The following AHCY variants were observed in gnomAD, a reference collection of about 807,000 sequenced individuals.
AHCY encodes the protein adenosylhomocysteinase.
Under a neutral mutation model 45.4 loss-of-function variants are expected in AHCY, and 24 were observed. The ratio of observed to expected loss-of-function variants is 0.53; its 90% confidence interval spans 0.38 to 0.74. The LOEUF (loss-of-function observed/expected upper bound fraction) is 0.74. Ranked by LOEUF, AHCY falls within the 30% of genes least tolerant of loss-of-function variation. AHCY has a pLI of 0.00. For missense variants in AHCY, 449 were observed against 594.1 expected, an observed-to-expected ratio of 0.76 and a Z score of 2.54; for synonymous variants, 245 against 235.1, an observed-to-expected ratio of 1.04 and a Z score of -0.39.
chr20:34,291,542 G>A lies in AHCY; in HGVS notation c.446-11C>T, dbSNP rs942274895. On this transcript the variant is annotated splice_polypyrimidine_tract_variant and intron_variant, in intron 4 of 9. Coordinates refer to ENST00000217426, the MANE Select transcript of AHCY (RefSeq NM_000687.4). ...AGATGCCTCGGATGCCTAAACAAGA[G>A]GGGACAGGACAAGCCTCAGAGATGC... 2 of 1,611,452 alleles carry A rather than the reference G, an allele frequency of 1.2e-6. No homozygotes were observed. The highest frequency in any genetic ancestry group is 2.2e-5 in the East Asian group (1 of 44,884).
chr20:34,247,292 A>G, the AHCY span, among the ~76,000 whole-genome samples: 1 of 137,476 alleles, frequency 7.3e-6, no homozygotes, highest in Non-Finnish European at 1.6e-5. Flanking sequence ...TTATTACATT[A>G]TATGATGCTT....
chr20:34,236,314 C>T, the AHCY span, among the ~76,000 whole-genome samples: 1 of 151,726 alleles, frequency 6.6e-6, no homozygotes, highest in Non-Finnish European at 1.5e-5. Flanking sequence ...CCGAAGCGGG[C>T]AGATCACCTG....
the AHCY span, among the ~76,000 whole-genome samples, chr20:34,264,550 G>A: frequency 6.6e-6 from 1 of 152,166 alleles, no homozygotes; most frequent in Non-Finnish European, 1.5e-5. Context: ...GAAGAGTCAT[G>A]ACATTACAAG....
chr20:34,288,949 G>C (rs1053843446), intron 8 of AHCY, among the ~76,000 whole-genome samples: 3 of 152,150 alleles, frequency 2.0e-5, no homozygotes, highest in African/African-American at 4.8e-5. Flanking sequence ...TCCCAGCTCA[G>C]TGCATGGGCC....
chr20:34,303,010 G>C (rs191924267), intron 1 of AHCY: 2 of 985,386 alleles, frequency 2.0e-6, no homozygotes, highest in African/African-American at 3.5e-5. Context: ...ACCGCGCGGC[G>C]GCCCCGGCGT....
the AHCY span, among the ~76,000 whole-genome samples, chr20:34,275,132 T>G: frequency 1.7e-4 from 3 of 17,964 alleles, no homozygotes; most frequent in African/African-American, 1.9e-4. Context: ...CTCTATTTTC[T>G]TTTTTTTTTT....
chr20:34,299,676 C>T (rs1054555978), intron 1 of AHCY, among the ~76,000 whole-genome samples: 5 of 152,164 alleles, frequency 3.3e-5, no homozygotes, highest in African/African-American at 1.2e-4. Context: ...TATTATGTGT[C>T]ATGTTGGAGT....
chr20:34,241,020 C>G, the AHCY span, among the ~76,000 whole-genome samples: 5 of 152,182 alleles, frequency 3.3e-5, no homozygotes, highest in Non-Finnish European at 5.9e-5. Context: ...GAGCAACACG[C>G]CTTGCCTCTG....
the AHCY span, chr20:34,262,871 C>G: frequency 6.2e-7 from 1 of 1,613,980 alleles, no homozygotes; most frequent in Admixed American, 1.7e-5. Flanking sequence ...AGAAAAGCAG[C>G]AGAAAAGAAA....
upstream of AHCY, chr20:34,303,388 T>G: frequency 7.0e-6 from 10 of 1,422,102 alleles, no homozygotes; most frequent in East Asian, 2.5e-5. Context: ...TTTAAATATC[T>G]TCCTCGCACT....
downstream of AHCY, among the ~76,000 whole-genome samples, chr20:34,277,709 C>T (rs531168647): frequency 3.0e-4 from 43 of 144,488 alleles, no homozygotes; most frequent in East Asian, 3.1e-3. Context: ...GAGCCGAGAT[C>T]GCGCCACTGC....
the AHCY span, among the ~76,000 whole-genome samples, chr20:34,265,964 G>A: frequency 6.6e-6 from 1 of 151,874 alleles, no homozygotes; most frequent in African/African-American, 2.4e-5. Context: ...AAACAAAAGC[G>A]GAGGGGGGGA....
chr20:34,235,448 A>G, the AHCY span, among the ~76,000 whole-genome samples: 1 of 151,058 alleles, frequency 6.6e-6, no homozygotes, highest in East Asian at 2.0e-4. Context: ...TCAAAAACAA[A>G]GAAAAAAGAA....
Position 34,302,814 on chromosome 20 carries a change from G to A in AHCY, c.28+429C>T. 2.3e-5 allele frequency: 24 copies of A among 1,021,388 alleles called. No individual in the cohort carries two copies. The South Asian group carries it at 5.4e-4, about 23-fold the overall frequency. The allele number at this position is 1,021,388 out of a possible 1,614,324, so 63.3% of individuals were successfully genotyped here. ...CTCATACACCCTCCGGGGTGCCCTCGCCGTCCCTGTAGGAGGCCCAGAGAG... is the reference window on the plus strand; with the variant it reads ...CTCATACACCCTCCGGGGTGCCCTCACCGTCCCTGTAGGAGGCCCAGAGAG... On this transcript the variant is annotated intron_variant, in intron 1 of 9. Coordinates refer to ENST00000217426, the MANE Select transcript of AHCY (RefSeq NM_000687.4).
At chr20:34,303,137 T>C in intron 1 of AHCY, 106 bp downstream of exon 1, 1 of 1,526,260 alleles carries the variant, frequency 6.6e-7, no homozygotes, top group Non-Finnish European at 8.8e-7. Context: ...GAGGCTGCGA[T>C]TCCAGGGGGT....
chr20:34,254,412 T>C, the AHCY span, among the ~76,000 whole-genome samples: 1 of 152,184 alleles, frequency 6.6e-6, no homozygotes, highest in African/African-American at 2.4e-5. Flanking sequence ...CTCTAATGAG[T>C]AATAACAGCA....
At chr20:34,301,623 G>C (rs2122823686) in intron 1 of AHCY, 1 of 178,978 alleles carries the variant, frequency 5.6e-6, no homozygotes, top group East Asian at 1.9e-4. Flanking sequence ...GCCCCACCCA[G>C]CTAAGCTCCC....
At chr20:34,293,040 C>CA (rs993269725) in intron 3 of AHCY, among the ~76,000 whole-genome samples, 4 of 151,972 alleles carry the variant, frequency 2.6e-5, no homozygotes, top group African/African-American at 9.7e-5. Context: ...AAAGTCTGGC[C>CA]AAAAAATGAC....
chr20:34,279,278 G>A (rs1246678373), downstream of AHCY, among the ~76,000 whole-genome samples: 7 of 150,724 alleles, frequency 4.6e-5, no homozygotes, highest in South Asian at 2.1e-4. Context: ...AAAATTTGCC[G>A]GGCGTGGTGG....
Sources: allele counts gnomAD v4.1 joint callset (sites outside exome capture counted in the v4.1 genomes callset), GRCh38; gene constraint gnomAD v4.1.1; transcripts MANE v1.5; gene names NCBI Gene and HGNC (gene_info 2026-07-23, HGNC 2026-07-21).